PRMT7: variants seen among roughly 807,000 people sequenced by gnomAD.
The protein encoded by PRMT7 is protein arginine N-methyltransferase 7.
PRMT7 carries 75 observed loss-of-function variants against 85.4 expected under a neutral mutation model. The ratio of observed to expected loss-of-function variants is 0.88; its 90% CI spans 0.73 to 1.06. PRMT7 has a LOEUF of 1.06. Among genes scored for constraint, PRMT7 ranks in the 50% least tolerant of loss-of-function variants. PRMT7 has a pLI of 0.00. For missense variants in PRMT7, 868 were observed against 915.2 expected, an observed-to-expected ratio of 0.95 and a Z score of 0.67; for synonymous variants, 397 against 359.5, an observed-to-expected ratio of 1.10 and a Z score of -1.18.
chr16:68,351,008 A>G (rs2087238250), intron 14 of PRMT7, among the ~76,000 whole-genome samples: 1 of 152,194 alleles, frequency 6.6e-6, no homozygotes, highest in South Asian at 2.1e-4. Flanking sequence ...GGCTGTTGTG[A>G]GTAATGCTGC....
chr16:68,321,350 A>G, intron 3 of PRMT7, 76 bp from the exon 4 acceptor site: 1 of 1,126,478 alleles, frequency 8.9e-7, no homozygotes, highest in Non-Finnish European at 1.3e-6. Context: ...TCTGTTTAGC[A>G]ATGTGTTTAT....
At chr16:68,331,721 A>G (rs1403380877) in intron 6 of PRMT7, among the ~76,000 whole-genome samples, 1 of 151,766 alleles carries the variant, frequency 6.6e-6, no homozygotes, top group Non-Finnish European at 1.5e-5. Flanking sequence ...CGATTCTCCC[A>G]CCTCAGCATC....
chr16:68,330,928 G>A (rs2083792617), intron 6 of PRMT7, among the ~76,000 whole-genome samples: 1 of 152,050 alleles, frequency 6.6e-6, no homozygotes, highest in Non-Finnish European at 1.5e-5. Flanking sequence ...ACAATAGAGT[G>A]CTCAAATCAT....
At chr16:68,314,055 G>A (rs1313305524) in intron 2 of PRMT7, among the ~76,000 whole-genome samples, 1 of 152,184 alleles carries the variant, frequency 6.6e-6, no homozygotes, top group African/African-American at 2.4e-5. Flanking sequence ...TGTGTATTGA[G>A]TCTCATTTTA....
At chr16:68,316,174 A>G in intron 3 of PRMT7, 100 bp downstream of exon 3, 3 of 1,029,080 alleles carry the variant, frequency 2.9e-6, no homozygotes, top group South Asian at 1.3e-5. Flanking sequence ...GCTGTCACCC[A>G]GTGCTTATGA....
At chr16:68,328,134 G>A (rs1299196204) in intron 5 of PRMT7, 2 of 323,940 alleles carry the variant, frequency 6.2e-6, no homozygotes, top group Non-Finnish European at 1.3e-5. Context: ...CAGCTCCACT[G>A]TGAATGCTAA....
At chr16:68,354,082 C>A (rs2087882124) in intron 16 of PRMT7, among the ~76,000 whole-genome samples, 1 of 152,154 alleles carries the variant, frequency 6.6e-6, no homozygotes, top group South Asian at 2.1e-4. Context: ...GAGCATGGGC[C>A]GTGCTGTGTA....
intron 5 of PRMT7, 74 bp downstream of exon 5, chr16:68,324,906 C>T: frequency 6.3e-7 from 1 of 1,576,808 alleles, no homozygotes; most frequent in Non-Finnish European, 8.6e-7. Flanking sequence ...CTTTCCCCGT[C>T]TGTTCCTTCA....
intron 4 of PRMT7, chr16:68,324,472 G>C (rs2082868503): frequency 1.7e-6 from 1 of 590,554 alleles, no homozygotes; most frequent in South Asian, 2.0e-5. Context: ...ATAGAAGAGT[G>C]AGTGTGGAGC....
At chr16:68,349,782 A>C (rs1170945580) in intron 14 of PRMT7, among the ~76,000 whole-genome samples, 3 of 152,152 alleles carry the variant, frequency 2.0e-5, no homozygotes, top group Non-Finnish European at 2.9e-5. Context: ...TAGTCCCAGG[A>C]GGCTGAGGTG....
rs149581712 is a variant in PRMT7 at position 68,352,388 on chromosome 16, C to T, written c.1554C>T (p.His518=). ...AMVMPQAASL[H]AVVVEFRDLW... The stretch of plus-strand genomic sequence containing the variant: ...TGATGCCCCAGGCAGCCTCGCTGCA[C>T]GCTGTGGTTGTGGAGTTCAGGGTAG... Residue 518 remains histidine (H), a synonymous_variant, in exon 15 of 19, where the codon CAC becomes CAT. Coordinates refer to ENST00000441236, the MANE Select transcript of PRMT7 (RefSeq NM_019023.5). 9.0e-5 allele frequency: 145 copies of T among 1,606,342 alleles called. No homozygotes were observed. In the Middle Eastern group the frequency reaches 1.7e-3, roughly 18 times the overall value.
chr16:68,344,776 T>A (rs2086064612), intron 9 of PRMT7, among the ~76,000 whole-genome samples: 1 of 152,140 alleles, frequency 6.6e-6, no homozygotes, highest in African/African-American at 2.4e-5. Context: ...GCCAAAACCT[T>A]TTTGTATTTT....
At chr16:68,345,127 G>A (rs1373947442) in intron 9 of PRMT7, among the ~76,000 whole-genome samples, 1 of 152,100 alleles carries the variant, frequency 6.6e-6, no homozygotes, top group African/African-American at 2.4e-5. Context: ...CCATAGTATC[G>A]TCTAACATAT....
chr16:68,317,079 T>TA (rs1002772903), intron 3 of PRMT7: 34 of 148,544 alleles, frequency 2.3e-4, no homozygotes, highest in East Asian at 1.8e-3. Context: ...CCCGTCTCTA[T>TA]AAAAAAAAAT....
In PRMT7 at chr16:68,339,476, C is replaced by G; in HGVS notation, c.659C>G (p.Pro220Arg). The G allele has an allele frequency of 6.2e-7, 1 of 1,614,242 alleles. No homozygotes were observed. Among genetic ancestry groups the G allele is most frequent in the Non-Finnish European group, 8.5e-7 (1 of 1,180,044 alleles). The change falls in exon 8 of 19, where the codon CCT (proline) becomes CGT (arginine). Residue 220 changes from proline to arginine, a missense_variant. By Grantham distance (103) the Pro-to-Arg change is moderately radical. Coordinates refer to ENST00000441236, the MANE Select transcript of PRMT7 (RefSeq NM_019023.5). The part of the protein sequence containing the change: ...IVPPVDVESC[P>R]GAPSVCDIQL... ...CCTCCCGTTGACGTGGAGAGCTGCC[C>G]TGGCGCACCCTCTGTCTGTGACATT... is the stretch of plus-strand genomic sequence containing the variant.
rs371311263 is a variant in PRMT7, at chr16:68,355,808, A to T, written c.1736A>T (p.Gln579Leu). 1 of 1,611,770 alleles carries T rather than the reference A, an allele frequency of 6.2e-7. No homozygotes were observed. The part of the protein sequence containing the change: ...YPCRSLSEPW[Q>L]ILTFDFQQPV... ...TGCCGCAGCCTCTCCGAGCCCTGGC[A>T]GATCCTGACCTTTGACTTCCAGCAG... The change falls in exon 17 of 19, where the codon CAG becomes CTG. Residue 579 changes from glutamine to leucine, a missense_variant. By Grantham distance (113) the Gln-to-Leu change is moderately radical (BLOSUM62 -2). Transcript: ENST00000441236.
chr16:68,344,215 A>G (rs1231382871), intron 9 of PRMT7, among the ~76,000 whole-genome samples: 1 of 152,216 alleles, frequency 6.6e-6, no homozygotes, highest in African/African-American at 2.4e-5. Flanking sequence ...ACGATTTGCC[A>G]GCCTCGGCCT....
Position 68,324,703 on chromosome 16 carries a change from T to C in PRMT7, c.153T>C (p.Gly51=). 6.2e-7 allele frequency: 1 copy of C among 1,614,222 alleles called. No homozygotes were observed. Among genetic ancestry groups the C allele is most frequent in the South Asian group, 1.1e-5 (1 of 91,092 alleles). ...DKDRNVKYYQ[G]IRAAVSRVKD... ...CTTAGAATGTAAAATACTACCAAGG[T>C]ATCCGGGCTGCCGTGAGCAGGGTGA... The change falls in exon 5 of 19, where the codon GGT becomes GGC. Residue 51 remains glycine, a synonymous_variant. Transcript: ENST00000441236.
chr16:68,312,598 G>C (rs2044051899), intron 2 of PRMT7, among the ~76,000 whole-genome samples: 1 of 152,086 alleles, frequency 6.6e-6, no homozygotes, highest in African/African-American at 2.4e-5. Context: ...AATACAATTA[G>C]GGCTTGGCAT....
Sources: gnomAD v4.1 joint callset for allele counts (sites outside exome capture counted in the v4.1 genomes callset) on GRCh38, gnomAD v4.1.1 for gene constraint, MANE v1.5 for transcripts, NCBI Gene and HGNC (gene_info 2026-07-23, HGNC 2026-07-21) for gene names.